The following MICALL2 variants were observed in gnomAD, a reference collection of about 807,000 sequenced individuals.
MICALL2 encodes MICAL-like protein 2.
In MICALL2, 111 loss-of-function variants were observed where a neutral mutation model predicts 91.1. That is an observed-to-expected ratio of 1.22 (90% CI 1.04 to 1.43). The LOEUF (loss-of-function observed/expected upper bound fraction) is 1.43. Among genes scored for constraint, MICALL2 ranks in the 40% most tolerant of loss-of-function variants. MICALL2 has a pLI of 0.00. For missense variants in MICALL2, 1,556 were observed against 1,236.0 expected (o/e 1.26, Z -3.88); for synonymous variants, 694 against 525.3 (o/e 1.32, Z -4.39).
At chr7:1,457,244 G>C (rs7796482) in intron 1 of MICALL2, among the ~76,000 whole-genome samples, 67,095 of 152,064 alleles carry the variant, frequency 0.44, 14,973 homozygotes, top group East Asian at 0.7. Context: ...CCATGTGCTG[G>C]TATCTACCGA....
Position 1,434,437 on chromosome 7 carries a change from G to A in MICALL2, c.*159C>T, listed in dbSNP as rs768638437. 1.4e-6 allele frequency: 1 copy of A among 716,098 alleles called. No homozygotes were observed. The highest frequency in any genetic ancestry group is 1.5e-5 in the South Asian group (1 of 67,722). 44.4% of individuals were successfully genotyped at this position (716,098 alleles called of 1,614,324 possible). A position where few individuals can be genotyped will look rare whatever the true frequency, so the allele number is the denominator to read the frequency against. ...CCCTGCTGTCCACATGCCCCTTGTA[G>A]GGACAGGAGGCCCTTCCCGAGTCCA... is the stretch of plus-strand genomic sequence containing the variant. On this transcript the variant is annotated 3_prime_UTR_variant, in exon 17 of 17. Transcript: ENST00000297508.
chr7:1,444,826 T>G lies in MICALL2; in HGVS notation c.1244A>C (p.Gln415Pro). 1 of 1,610,074 alleles carries G rather than the reference T, an allele frequency of 6.2e-7. No homozygotes were observed. The highest frequency in any genetic ancestry group is 1.3e-5 in the African/African-American group (1 of 75,024). The change falls in exon 6 of 17, where the codon CAG becomes CCG. Residue 415 changes from glutamine to proline, a missense_variant. Transcript: ENST00000297508. Reference sequence around the variant, plus strand: ...TGTTTGGAAAAACTTATTCCGGGCCTGCTGGGTCCTGGAGGCGGACGGGGT... The same window carrying G: ...TGTTTGGAAAAACTTATTCCGGGCCGGCTGGGTCCTGGAGGCGGACGGGGT... ...AWTPSASRTQ[Q>P]ARNKFFQTSA...
intron 9 of MICALL2, 71 bp downstream of exon 9, chr7:1,439,854 C>A: frequency 7.6e-7 from 1 of 1,323,072 alleles, no homozygotes; most frequent in South Asian, 1.9e-5. Flanking sequence ...CAGGTCCAGT[C>A]CCGGGGCCCC....
chr7:1,441,772 G>T, intron 7 of MICALL2: 1 of 227,078 alleles, frequency 4.4e-6, no homozygotes, highest in Non-Finnish European at 8.8e-6. Flanking sequence ...GTGACACAGG[G>T]TGCCACAGCA....
intron 14 of MICALL2, chr7:1,437,136 C>G (rs1780008580): frequency 2.1e-6 from 1 of 481,358 alleles, no homozygotes; most frequent in East Asian, 3.8e-5. Context: ...CCCTGCAGCA[C>G]AGCAAGGAAA....
Position 1,446,759 on chromosome 7 carries a change from G to GT in MICALL2, c.594dup (p.Gln199ThrfsTer18), listed in dbSNP as rs1456451234. On this transcript the variant is annotated frameshift_variant, in exon 5 of 17. Coordinates refer to ENST00000297508, the MANE Select transcript of MICALL2 (RefSeq NM_182924.4). LOFTEE classifies it high-confidence loss of function. ...AGCCTCCCGTCGGCCAGGTGCCGCT[G>GT]TACCAGGTGCACGTGCTTGCCGCAG... 1 of 1,608,196 alleles carries GT rather than the reference G, an allele frequency of 6.2e-7. No homozygotes were observed. The highest frequency in any genetic ancestry group is 8.5e-7 in the Non-Finnish European group (1 of 1,178,216).
intron 1 of MICALL2, chr7:1,450,506 C>T (rs535617542): frequency 2.9e-4 from 162 of 555,288 alleles, no homozygotes; most frequent in African/African-American, 2.5e-3. Context: ...CGACATCAGA[C>T]GGCCCCAGCT....
intron 14 of MICALL2, 33 bp from the exon 15 acceptor site, chr7:1,436,889 CCA>C: frequency 1.4e-6 from 2 of 1,450,228 alleles, no homozygotes; most frequent in South Asian, 1.3e-5. Flanking sequence ...GGAGCCCCCC[CCA>C]CCACTGCCAT....
chr7:1,437,855 G>C, intron 13 of MICALL2, 35 bp downstream of exon 13: 2 of 1,534,546 alleles, frequency 1.3e-6, no homozygotes, highest in South Asian at 2.4e-5. Flanking sequence ...ACGAGGTCCT[G>C]GCCTTCGAGG....
intron 9 of MICALL2, chr7:1,439,532 CAT>C (rs368282749): frequency 2.8e-4 from 58 of 206,604 alleles, no homozygotes; most frequent in Middle Eastern, 1.7e-3. Context: ...AACACAGACA[CAT>C]GGACACGCAT....
At chr7:1,435,914 T>C (rs1395384924) in intron 15 of MICALL2, among the ~76,000 whole-genome samples, 2 of 150,560 alleles carry the variant, frequency 1.3e-5, no homozygotes, top group Admixed American at 6.6e-5. Context: ...TAGCCGGGTG[T>C]GGTGGCGGGC....
Position 1,442,238 on chromosome 7 carries a change from C to G in MICALL2, c.1665G>C (p.Lys555Asn). Residue 555 changes from lysine (K) to asparagine (N), a missense_variant, in exon 7 of 17, where the codon AAG becomes AAC. Physicochemically the swap from Lys to Asn is moderately conservative, Grantham distance 94. Coordinates refer to ENST00000297508, the MANE Select transcript of MICALL2 (RefSeq NM_182924.4). The part of the protein sequence containing the change: ...VGRVGAGSRP[K>N]PEAPMAKGKS... Reference sequence around the variant, plus strand: ...TACCCTTTGCCATCGGGGCCTCTGGCTTCGGCCTGGAGCCAGCACCCACCC... The same window carrying G: ...TACCCTTTGCCATCGGGGCCTCTGGGTTCGGCCTGGAGCCAGCACCCACCC... 1 of 1,612,868 alleles carries G rather than the reference C, an allele frequency of 6.2e-7. No homozygotes were observed. The highest frequency in any genetic ancestry group is 1.1e-5 in the South Asian group (1 of 91,086).
Position 1,447,689 on chromosome 7 carries a change from C to A in MICALL2, c.411G>T (p.Gln137His). The change falls in exon 4 of 17, where the codon CAG (glutamine) becomes CAT (histidine). Residue 137 changes from glutamine (Q) to histidine (H), a missense_variant. Coordinates refer to ENST00000297508, the MANE Select transcript of MICALL2 (RefSeq NM_182924.4). ...GGGCGGGCGAGGGCAGCTTGGCCGCCTGGACTGGAGCCTTCTTCCCTGACG... is the reference window on the plus strand; with the variant it reads ...GGGCGGGCGAGGGCAGCTTGGCCGCATGGACTGGAGCCTTCTTCCCTGACG... ...EEPSGKKAPV[Q>H]AAKLPSPAPA... The A allele has an allele frequency of 1.9e-6, 3 of 1,581,442 alleles. No homozygotes were observed. Among genetic ancestry groups the A allele is most frequent in the Non-Finnish European group, 2.6e-6 (3 of 1,164,628 alleles).
intron 2 of MICALL2, among the ~76,000 whole-genome samples, chr7:1,449,288 G>A (rs772101535): frequency 2.0e-5 from 3 of 152,244 alleles, no homozygotes; most frequent in Non-Finnish European, 4.4e-5. Flanking sequence ...CACACTTGAG[G>A]AACTGGACTT....
intron 1 of MICALL2, among the ~76,000 whole-genome samples, chr7:1,456,738 T>C (rs1408044549): frequency 1.3e-5 from 2 of 152,158 alleles, no homozygotes; most frequent in Non-Finnish European, 2.9e-5. Context: ...GCCACTGCAC[T>C]CCAGCCTGGG....
intron 9 of MICALL2, chr7:1,439,540 C>T (rs968999066): frequency 4.3e-5 from 9 of 208,772 alleles, no homozygotes; most frequent in South Asian, 1.4e-4. Flanking sequence ...CACATGGACA[C>T]GCATCACACA....
intron 15 of MICALL2, among the ~76,000 whole-genome samples, 189 bp downstream of exon 15, chr7:1,436,551 CAA>C (rs59955608): frequency 3.9e-4 from 29 of 74,412 alleles, no homozygotes; most frequent in South Asian, 1.0e-3. Context: ...GACTCTGTCT[CAA>C]AAAAAAAAAA....
chr7:1,449,806 G>A (rs1024617987), intron 2 of MICALL2, among the ~76,000 whole-genome samples: 2 of 152,258 alleles, frequency 1.3e-5, no homozygotes, highest in Non-Finnish European at 2.9e-5. Flanking sequence ...TGGAAGCTGG[G>A]GTGAGCAGGG....
intron 1 of MICALL2, among the ~76,000 whole-genome samples, chr7:1,458,549 CAG>C (rs1781100142): frequency 6.6e-6 from 1 of 152,238 alleles, no homozygotes; most frequent in Non-Finnish European, 1.5e-5. Context: ...CGGGCAGGGC[CAG>C]CTGCCCAGCT....
Sources: gnomAD v4.1 joint callset for allele counts (sites outside exome capture counted in the v4.1 genomes callset) on GRCh38, gnomAD v4.1.1 for gene constraint, MANE v1.5 for transcripts, NCBI Gene and HGNC (gene_info 2026-07-23, HGNC 2026-07-21) for gene names.